GRID1: variants seen among roughly 807,000 people sequenced by gnomAD.
The protein encoded by GRID1 is glutamate ionotropic receptor delta type subunit 1.
In GRID1, 28 loss-of-function variants were observed where a neutral mutation model predicts 98.0. That is an observed-to-expected ratio of 0.29 (90% confidence interval 0.21 to 0.39). The LOEUF is 0.39. GRID1 is among the 10% of genes least tolerant of loss of function. GRID1 has a pLI of 1.00. For synonymous variants in GRID1, 553 were observed against 538.5 expected, an observed-to-expected ratio of 1.03 and a Z score of -0.37; for missense variants, 1,111 against 1,340.5, an observed-to-expected ratio of 0.83 and a Z score of 2.67.
At position 85,855,760 on chromosome 10, in the gene GRID1, C is replaced by G. The variant is rs537149344; in HGVS notation, c.1113+269G>C. ...ATAGGCAGCTGCCTCCATTTCATAC[C>G]TACTTGCAGCCAAGGGCAAGTTGCT... On this transcript the variant is annotated intron_variant, in intron 7 of 15. Transcript: ENST00000327946. Among the ~76,000 whole-genome samples, 9 of 152,338 alleles carry G rather than the reference C, an allele frequency of 5.9e-5. No homozygotes were observed. In the East Asian group the frequency reaches 1.7e-3, roughly 29 times the overall value.
intron 8 of GRID1, among the ~76,000 whole-genome samples, chr10:85,794,976 C>T (rs1842513371): frequency 6.6e-6 from 1 of 152,054 alleles, no homozygotes; most frequent in South Asian, 2.1e-4. Flanking sequence ...ACACATTCTC[C>T]CCCAACTTCT....
chr10:85,805,886 A>G (rs955835350), intron 8 of GRID1, among the ~76,000 whole-genome samples: 5 of 151,968 alleles, frequency 3.3e-5, no homozygotes, highest in African/African-American at 1.2e-4. Flanking sequence ...TTAGACAAAA[A>G]CATAGGGAAA....
At chr10:86,190,375 A>C (rs949009669) in intron 3 of GRID1, among the ~76,000 whole-genome samples, 11 of 152,112 alleles carry the variant, frequency 7.2e-5, no homozygotes, top group African/African-American at 2.7e-4. Context: ...AGTGCACCCC[A>C]CATACCTCCT....
chr10:86,001,807 T>C (rs1020236279), intron 4 of GRID1, among the ~76,000 whole-genome samples: 1 of 151,988 alleles, frequency 6.6e-6, no homozygotes, highest in Non-Finnish European at 1.5e-5. Context: ...ACTGGATGCC[T>C]GAAAAAAAAG....
chr10:85,769,524 T>C (rs1281442768), intron 8 of GRID1, among the ~76,000 whole-genome samples: 1 of 152,144 alleles, frequency 6.6e-6, no homozygotes, highest in African/African-American at 2.4e-5. Flanking sequence ...GGGCGAGGCA[T>C]TGCCTCACTC....
intron 13 of GRID1, among the ~76,000 whole-genome samples, chr10:85,637,021 T>A (rs563743997): frequency 6.6e-6 from 1 of 152,190 alleles, no homozygotes; most frequent in African/African-American, 2.4e-5. Flanking sequence ...TTAAATAAAA[T>A]TTTTACATCA....
rs527730590 is a variant in GRID1, at chr10:86,209,078, TTGTA to T, written c.236-2434_236-2431del. On this transcript the variant is annotated intron_variant, in intron 2 of 15. Transcript: ENST00000327946. The stretch of plus-strand genomic sequence containing the variant: ...AAAGGTAGGTGAAAGTGATACAAAA[TTGTA>T]TGTATTTTATTTTATCAATTAAATA... 7.2e-5 allele frequency among the ~76,000 whole-genome samples: 11 copies of T among 152,296 alleles called. No homozygotes were observed. The East Asian group carries it at 1.9e-3, about 27-fold the overall frequency.
At chr10:86,223,848 C>T (rs534277752) in intron 2 of GRID1, among the ~76,000 whole-genome samples, 2 of 152,284 alleles carry the variant, frequency 1.3e-5, no homozygotes, top group South Asian at 4.1e-4. Context: ...CAAGGACCAG[C>T]AGATGACAGA....
rs534521545 is a variant in GRID1 at position 86,175,030 on chromosome 10, T to G, written c.520+31334A>C. ...AGGATGTGGAGAAATAGGAACACTTTTACACTGTTGGTGGGACTGTAAACT... is the reference window on the plus strand; with the variant it reads ...AGGATGTGGAGAAATAGGAACACTTGTACACTGTTGGTGGGACTGTAAACT... On this transcript the variant is annotated intron_variant, in intron 3 of 15. Coordinates refer to ENST00000327946, the MANE Select transcript of GRID1 (RefSeq NM_017551.3). Among the ~76,000 whole-genome samples the G allele has an allele frequency of 9.9e-5, 15 of 152,266 alleles. No homozygotes were observed. The South Asian group carries it at 2.9e-3, about 29-fold the overall frequency.
At chr10:86,277,337 C>A (rs1469396078) in intron 2 of GRID1, among the ~76,000 whole-genome samples, 1 of 152,126 alleles carries the variant, frequency 6.6e-6, no homozygotes, top group South Asian at 2.1e-4. Flanking sequence ...CCAAAGGGAG[C>A]CCTTCAGATT....
chr10:86,095,961 C>A (rs1428998846), intron 4 of GRID1, among the ~76,000 whole-genome samples: 1 of 152,154 alleles, frequency 6.6e-6, no homozygotes, highest in Non-Finnish European at 1.5e-5. Flanking sequence ...TGGAACCAAC[C>A]CAAATGCCAA....
intron 4 of GRID1, among the ~76,000 whole-genome samples, chr10:85,953,364 G>C (rs116841288): frequency 0.052 from 7,944 of 152,226 alleles, 248 homozygotes; most frequent in Middle Eastern, 0.11. Context: ...GGGCCTATTA[G>C]AGGGTGGAAG....
rs575611648 is a variant in GRID1, at chr10:85,743,109, C to A, written c.1234-13495G>T. The stretch of plus-strand genomic sequence containing the variant: ...CTTGGAGGATAGAATTATGCAGCCC[C>A]CCCCCCCACCACCCATTGAGAACCA... On this transcript the variant is annotated intron_variant, in intron 8 of 15. Transcript: ENST00000327946. Among the ~76,000 whole-genome samples, 426 of 127,934 alleles carry A rather than the reference C, an allele frequency of 3.3e-3. 11 individuals carry two copies. The highest frequency in any genetic ancestry group is 0.011 in the African/African-American group (404 of 37,238). 83.9% of individuals were successfully genotyped at this position (127,934 alleles called of 152,430 possible).
At chr10:86,163,736 C>T (rs1215165473) in intron 3 of GRID1, among the ~76,000 whole-genome samples, 3 of 152,182 alleles carry the variant, frequency 2.0e-5, no homozygotes, top group South Asian at 4.1e-4. Context: ...AGGCCTGGGT[C>T]AGACAATGTT....
chr10:85,804,630 G>T (rs1380583685), intron 8 of GRID1, among the ~76,000 whole-genome samples: 1 of 151,788 alleles, frequency 6.6e-6, no homozygotes, highest in Non-Finnish European at 1.5e-5. Flanking sequence ...ATAGCATTAT[G>T]ACTATGTACG....
intron 2 of GRID1, among the ~76,000 whole-genome samples, chr10:86,331,340 C>T (rs929156047): frequency 6.6e-6 from 1 of 152,148 alleles, no homozygotes; most frequent in Non-Finnish European, 1.5e-5. Flanking sequence ...ACAGGGCCTC[C>T]CAGCCTGCAG....
At position 86,366,420 on chromosome 10, in the gene GRID1, C is replaced by G; in HGVS notation, c.-28G>C. On this transcript the variant is annotated 5_prime_UTR_variant, in exon 1 of 16. Transcript: ENST00000327946. This position sits in a 1 kb window ranked among gnomAD's most constrained non-coding sequence, Gnocchi z 4.1. ...CCCCCGGGCGCGCGGCTCATCCACC[C>G]GGGCCCGGGGCGAGGCCGAGGGCAG... 1 of 1,470,082 alleles carries G rather than the reference C, an allele frequency of 6.8e-7. No individual in the cohort carries two copies. The highest frequency in any genetic ancestry group is 9.1e-7 in the Non-Finnish European group (1 of 1,104,026). 91.1% of individuals were successfully genotyped at this position (1,470,082 alleles called of 1,614,324 possible). A position where few individuals can be genotyped will look rare whatever the true frequency, so the allele number is the denominator to read the frequency against.
intron 4 of GRID1, among the ~76,000 whole-genome samples, chr10:85,919,638 C>A (rs1455954380): frequency 1.3e-5 from 2 of 152,212 alleles, no homozygotes; most frequent in African/African-American, 4.8e-5. Context: ...CTAAGTGCTG[C>A]CCTTTTCCTT....
chr10:85,899,873 G>A (rs187264926), intron 5 of GRID1, among the ~76,000 whole-genome samples: 1 of 152,300 alleles, frequency 6.6e-6, no homozygotes, highest in African/African-American at 2.4e-5. Flanking sequence ...CTGGCCTCTA[G>A]GGCTGCTGGA....
Sources: allele counts gnomAD v4.1 joint callset (sites outside exome capture counted in the v4.1 genomes callset), GRCh38; gene constraint gnomAD v4.1.1; non-coding constraint Gnocchi (gnomAD v3.1); transcripts MANE v1.5; gene names NCBI Gene and HGNC (gene_info 2026-07-23, HGNC 2026-07-21).